CFAP20DC: variants seen among roughly 807,000 people sequenced by gnomAD.
CFAP20DC encodes the protein protein CFAP20DC.
In CFAP20DC, 84 loss-of-function variants were observed where a neutral mutation model predicts 101.7. The ratio of observed to expected loss-of-function variants is 0.83; its 90% CI spans 0.69 to 0.99. The LOEUF is 0.99. CFAP20DC is among the 50% of genes least tolerant of loss of function. CFAP20DC has a pLI of 0.00. For missense variants in CFAP20DC, 1,007 were observed against 970.3 expected (o/e 1.04, Z -0.50); for synonymous variants, 359 against 351.2 (o/e 1.02, Z -0.25).
At chr3:59,040,652 G>A (rs1395863425) in intron 3 of CFAP20DC, among the ~76,000 whole-genome samples, 4 of 151,948 alleles carry the variant, frequency 2.6e-5, no homozygotes, top group East Asian at 1.9e-4. Flanking sequence ...AACTTAGTAC[G>A]CTTAACAAAT....
chr3:58,825,791 T>C (rs2075999851), intron 14 of CFAP20DC, among the ~76,000 whole-genome samples: 1 of 152,224 alleles, frequency 6.6e-6, no homozygotes, highest in Non-Finnish European at 1.5e-5. Flanking sequence ...GTTAGAAACT[T>C]TGAAAAATTT....
chr3:58,826,415 T>C (rs923233718), intron 14 of CFAP20DC, among the ~76,000 whole-genome samples: 2 of 152,192 alleles, frequency 1.3e-5, no homozygotes, highest in African/African-American at 4.8e-5. Context: ...ACCCGTCATC[T>C]ACATTAGGTA....
At chr3:59,017,532 A>C (rs2093714831) in intron 4 of CFAP20DC, 1 of 152,154 alleles carries the variant, frequency 6.6e-6, no homozygotes. Flanking sequence ...TGTAATCTTT[A>C]GTGACCTATG....
intron 5 of CFAP20DC, among the ~76,000 whole-genome samples, chr3:58,923,050 G>T (rs1285951509): frequency 1.3e-5 from 2 of 151,990 alleles, no homozygotes; most frequent in Non-Finnish European, 2.9e-5. Flanking sequence ...GGGACTACAG[G>T]TGTGTGCCAC....
chr3:58,759,333 C>A (rs2069295895), intron 15 of CFAP20DC, among the ~76,000 whole-genome samples: 1 of 152,190 alleles, frequency 6.6e-6, no homozygotes, highest in South Asian at 2.1e-4. Context: ...GCATAAATGT[C>A]TTCTTTTGAG....
In CFAP20DC at chr3:58,914,819, T is replaced by C. The variant is rs1273071702; in HGVS notation, c.394-955A>G. The C allele has an allele frequency of 6.6e-6, 1 of 152,204 alleles. No homozygotes were observed. Among genetic ancestry groups the C allele is most frequent in the East Asian group, 1.9e-4 (1 of 5,186 alleles). The allele number at this position is 152,204 out of a possible 1,614,324, so 9.4% of individuals were successfully genotyped here. A position where few individuals can be genotyped will look rare whatever the true frequency, so the allele number is the denominator to read the frequency against. On this transcript the variant is annotated intron_variant, in intron 5 of 16. Coordinates refer to ENST00000482387, the MANE Select transcript of CFAP20DC (RefSeq NM_001394063.1). The surrounding 1 kb of genome is among the most constrained non-coding windows in gnomAD (Gnocchi z 4.9). ...AGACCGAAATACATTATTTATTAAATACATGAAGAGTATTTTCTATGTAGA... is the reference window on the plus strand; with the variant it reads ...AGACCGAAATACATTATTTATTAAACACATGAAGAGTATTTTCTATGTAGA...
intron 14 of CFAP20DC, chr3:58,824,293 T>G (rs1418439129): frequency 2.0e-5 from 3 of 152,140 alleles, no homozygotes; most frequent in African/African-American, 4.8e-5. Flanking sequence ...TGCCAATATA[T>G]TATATTTTGA....
At chr3:58,754,139 T>C (rs551325005) in intron 15 of CFAP20DC, among the ~76,000 whole-genome samples, 11 of 152,202 alleles carry the variant, frequency 7.2e-5, no homozygotes, top group Non-Finnish European at 1.5e-4. Flanking sequence ...AGCAGAGTTC[T>C]TTTCACATAA....
intron 3 of CFAP20DC, among the ~76,000 whole-genome samples, chr3:59,043,446 G>A (rs1168506110): frequency 6.6e-6 from 1 of 151,900 alleles, no homozygotes; most frequent in Non-Finnish European, 1.5e-5. Context: ...GAAAATAGAG[G>A]CAGATCAAAG....
intron 15 of CFAP20DC, among the ~76,000 whole-genome samples, chr3:58,764,519 G>A (rs936465456): frequency 2.6e-5 from 4 of 152,048 alleles, no homozygotes; most frequent in African/African-American, 7.2e-5. Flanking sequence ...TTCAGCTCAC[G>A]GTCGGTGTAC....
At chr3:58,884,942 T>C (rs1392768986) in intron 6 of CFAP20DC, among the ~76,000 whole-genome samples, 2 of 152,200 alleles carry the variant, frequency 1.3e-5, no homozygotes, top group Admixed American at 1.3e-4. Flanking sequence ...ATGGAGCAAG[T>C]TCAGAGAACT....
intron 5 of CFAP20DC, among the ~76,000 whole-genome samples, chr3:58,915,894 C>T (rs1354894512): frequency 6.6e-6 from 1 of 152,044 alleles, no homozygotes; most frequent in Non-Finnish European, 1.5e-5. Flanking sequence ...ACACTATCTA[C>T]TGACTTCCTA....
At chr3:58,852,970 GA>G (rs1227443242) in intron 12 of CFAP20DC, among the ~76,000 whole-genome samples, 1 of 152,046 alleles carries the variant, frequency 6.6e-6, no homozygotes, top group African/African-American at 2.4e-5. Flanking sequence ...CAGAAGGCAA[GA>G]AATAACTAAA....
At position 59,001,256 on chromosome 3, in the gene CFAP20DC, C is replaced by T. The variant is rs1007366698; in HGVS notation, c.278+38301G>A. 6.6e-6 allele frequency among the ~76,000 whole-genome samples: 1 copy of T among 152,056 alleles called. No homozygotes were observed. Among genetic ancestry groups the T allele is most frequent in the South Asian group, 2.1e-4 (1 of 4,824 alleles). Reference sequence around the variant, plus strand: ...CTTTATCCTTGAAGATTCTTTGATACTACTATAAAAATACAAGGCCTGATA... The same window carrying T: ...CTTTATCCTTGAAGATTCTTTGATATTACTATAAAAATACAAGGCCTGATA... On this transcript the variant is annotated intron_variant, in intron 4 of 16. Coordinates refer to ENST00000482387, the MANE Select transcript of CFAP20DC (RefSeq NM_001394063.1). The surrounding 1 kb of genome is among the most constrained non-coding windows in gnomAD (Gnocchi z 4.5).
chr3:59,039,606 C>A lies in CFAP20DC; in HGVS notation c.229G>T (p.Val77Leu). ...QSLGLIQRFLVLQIYVPLGQD... is the reference protein window; with the variant it reads ...QSLGLIQRFLLLQIYVPLGQD... ...CCCAGGGGTACGTAAATCTGAAGTA[C>A]AAGAAACCTCTGGATCAATCCAACT... The change falls in exon 4 of 17, where the codon GTA becomes TTA. Residue 77 changes from valine to leucine, a missense_variant. Transcript: ENST00000482387. The A allele has an allele frequency of 6.5e-7, 1 of 1,527,856 alleles. No homozygotes were observed. Among genetic ancestry groups the A allele is most frequent in the East Asian group, 2.5e-5 (1 of 40,568 alleles). 94.6% of individuals were successfully genotyped at this position (1,527,856 alleles called of 1,614,324 possible).
intron 4 of CFAP20DC, among the ~76,000 whole-genome samples, chr3:58,985,789 T>C (rs2092730800): frequency 6.6e-6 from 1 of 152,246 alleles, no homozygotes; most frequent in African/African-American, 2.4e-5. Flanking sequence ...ATACTTCTGT[T>C]AGCATTTCTC....
rs2067473643 is a variant in CFAP20DC, at chr3:58,721,568, G to A, written c.198-3940C>T. 6.6e-6 allele frequency among the ~76,000 whole-genome samples: 1 copy of A among 152,150 alleles called. No homozygotes were observed. Among genetic ancestry groups the A allele is most frequent in the African/African-American group, 2.4e-5 (1 of 41,430 alleles). On this transcript the variant is annotated intron_variant, in intron 3 of 3. Transcript: ENST00000486145. The surrounding 1 kb of genome is among the most constrained non-coding windows in gnomAD (Gnocchi z 5.2). ...GAAGGGAGCAAGTCGTAGCACCCAA[G>A]ACCCCAGGGTAGGAGAGCCCAGGGG...
intron 4 of CFAP20DC, among the ~76,000 whole-genome samples, chr3:59,008,725 G>A (rs1247985092): frequency 6.6e-6 from 1 of 152,020 alleles, no homozygotes; most frequent in Non-Finnish European, 1.5e-5. Flanking sequence ...TGGGAGGAGG[G>A]GGGAGGGATA....
chr3:59,031,130 GT>G (rs1349984955), intron 4 of CFAP20DC, among the ~76,000 whole-genome samples: 1 of 152,108 alleles, frequency 6.6e-6, no homozygotes, highest in African/African-American at 2.4e-5. Flanking sequence ...CCAGCTTTAA[GT>G]TTTTTTAAAT....
Sources: allele counts gnomAD v4.1 joint callset (sites outside exome capture counted in the v4.1 genomes callset), GRCh38; gene constraint gnomAD v4.1.1; non-coding constraint Gnocchi (gnomAD v3.1); transcripts MANE v1.5; gene names NCBI Gene and HGNC (gene_info 2026-07-23, HGNC 2026-07-21).